PAPSS2: variants seen among roughly 807,000 people sequenced by gnomAD.
PAPSS2 encodes the protein bifunctional 3'-phosphoadenosine 5'-phosphosulfate synthase 2.
A neutral mutation model predicts 66.5 loss-of-function variants in PAPSS2; 61 were observed. That is an observed-to-expected ratio of 0.92 (90% CI 0.75 to 1.14). PAPSS2 has a LOEUF of 1.14. Among genes scored for constraint, PAPSS2 ranks in the 50% most tolerant of loss-of-function variants. The probability of loss-of-function intolerance (pLI) is 0.00; values close to 1 mark genes in which losing one functional copy is unlikely to be tolerated. For missense variants in PAPSS2, 708 were observed against 789.6 expected, an observed-to-expected ratio of 0.90 and a Z score of 1.24; for synonymous variants, 289 against 287.5, an observed-to-expected ratio of 1.01 and a Z score of -0.05.
intron 6 of PAPSS2, 110 bp from the exon 7 acceptor site, chr10:87,715,618 TAGAA>T (rs1853522812): frequency 1.4e-6 from 1 of 728,510 alleles, no homozygotes; most frequent in African/African-American, 1.7e-5. Context: ...ACTTAAAACA[TAGAA>T]GGTTCTGCCC....
intron 1 of PAPSS2, among the ~76,000 whole-genome samples, chr10:87,677,118 C>T (rs572181150): frequency 3.3e-5 from 5 of 152,020 alleles, no homozygotes; most frequent in Non-Finnish European, 4.4e-5. Flanking sequence ...TGCTTGAACC[C>T]GGGAGGCAGA....
intron 7 of PAPSS2, among the ~76,000 whole-genome samples, chr10:87,717,408 G>A (rs1410217064): frequency 6.6e-6 from 1 of 152,126 alleles, no homozygotes; most frequent in Non-Finnish European, 1.5e-5. Flanking sequence ...CAGTGTTAAT[G>A]GAAATCAGAG....
At chr10:87,716,058 A>T (rs1292244424) in intron 7 of PAPSS2, among the ~76,000 whole-genome samples, 2 of 152,172 alleles carry the variant, frequency 1.3e-5, no homozygotes, top group African/African-American at 4.8e-5. Flanking sequence ...AAAACTAAGG[A>T]ACTGAAAAAT....
At chr10:87,729,859 G>A (rs1853706963) in intron 9 of PAPSS2, among the ~76,000 whole-genome samples, 1 of 152,102 alleles carries the variant, frequency 6.6e-6, no homozygotes, top group Admixed American at 6.6e-5. Context: ...AGCCGGGCAT[G>A]GTGGTGCATG....
At chr10:87,673,380 G>A (rs1852903291) in intron 1 of PAPSS2, among the ~76,000 whole-genome samples, 1 of 151,944 alleles carries the variant, frequency 6.6e-6, no homozygotes, top group Non-Finnish European at 1.5e-5. Context: ...GGCTGGTCTT[G>A]TACTCCTGGC....
intron 7 of PAPSS2, 37 bp downstream of exon 7, chr10:87,715,880 A>G: frequency 4.6e-6 from 6 of 1,299,676 alleles, no homozygotes; most frequent in Non-Finnish European, 5.4e-6. Context: ...CTTTGTTGTT[A>G]AGGAAAAAAA....
chr10:87,711,146 C>T (rs1185894187), intron 2 of PAPSS2, among the ~76,000 whole-genome samples: 100 of 152,140 alleles, frequency 6.6e-4, no homozygotes, highest in Non-Finnish European at 8.8e-5. Context: ...AGATTTTAGC[C>T]CCAACTCCAC....
chr10:87,668,368 G>T (rs17116627), intron 1 of PAPSS2, among the ~76,000 whole-genome samples: 5 of 151,978 alleles, frequency 3.3e-5, no homozygotes, highest in African/African-American at 1.2e-4. Context: ...ACCAAACCAG[G>T]ATCTCTATTT....
intron 1 of PAPSS2, among the ~76,000 whole-genome samples, chr10:87,666,686 T>C (rs1036319649): frequency 6.6e-6 from 1 of 152,096 alleles, no homozygotes; most frequent in East Asian, 1.9e-4. Context: ...TCCTTACTTC[T>C]TTCATGCTCT....
intron 1 of PAPSS2, among the ~76,000 whole-genome samples, chr10:87,663,038 C>T (rs1481778025): frequency 6.7e-6 from 1 of 150,090 alleles, no homozygotes; most frequent in Non-Finnish European, 1.5e-5. Flanking sequence ...CCATCATGCC[C>T]TGCTAATTAC....
At chr10:87,668,765 T>G (rs17430359) in intron 1 of PAPSS2, among the ~76,000 whole-genome samples, 6,359 of 152,124 alleles carry the variant, frequency 0.042, 196 homozygotes, top group Middle Eastern at 0.068. Context: ...ATATGACAGT[T>G]GATATACAGC....
chr10:87,711,583 C>T (rs1853462923), intron 2 of PAPSS2, among the ~76,000 whole-genome samples: 1 of 152,132 alleles, frequency 6.6e-6, no homozygotes. Flanking sequence ...AAAGGAATAA[C>T]AGAATTACAG....
intron 1 of PAPSS2, among the ~76,000 whole-genome samples, chr10:87,705,315 G>T (rs1360071729): frequency 6.6e-6 from 1 of 152,130 alleles, no homozygotes; most frequent in Admixed American, 6.5e-5. Flanking sequence ...TCTACACTTT[G>T]AGTTGGGTTA....
intron 11 of PAPSS2, among the ~76,000 whole-genome samples, chr10:87,744,610 A>C (rs1853913492): frequency 6.6e-6 from 1 of 152,348 alleles, no homozygotes; most frequent in South Asian, 2.1e-4. Flanking sequence ...TTAGCTCATT[A>C]ATGGCAGTCA....
chr10:87,701,065 C>T (rs1343460764), intron 1 of PAPSS2, among the ~76,000 whole-genome samples: 3 of 151,556 alleles, frequency 2.0e-5, no homozygotes, highest in Non-Finnish European at 2.9e-5. Context: ...TCATAAAATA[C>T]TCTTTAATAT....
intron 1 of PAPSS2, among the ~76,000 whole-genome samples, chr10:87,673,092 A>G (rs913197335): frequency 2.0e-5 from 3 of 152,172 alleles, no homozygotes; most frequent in African/African-American, 7.2e-5. Flanking sequence ...GTTCAGTTGG[A>G]AGATGCTTAG....
intron 1 of PAPSS2, among the ~76,000 whole-genome samples, chr10:87,661,491 C>T (rs1375025914): frequency 2.6e-5 from 4 of 152,154 alleles, no homozygotes; most frequent in Non-Finnish European, 5.9e-5. Flanking sequence ...GCCGCTGTGC[C>T]AGTAGCTTTT....
intron 1 of PAPSS2, among the ~76,000 whole-genome samples, chr10:87,670,439 T>C (rs2131896107): frequency 1.3e-5 from 2 of 152,306 alleles, no homozygotes; most frequent in East Asian, 3.9e-4. Context: ...GAAGAAAAAT[T>C]AGGGAGCGTT....
chr10:87,729,236 C>T (rs12256533), intron 9 of PAPSS2, among the ~76,000 whole-genome samples: 5,166 of 47,822 alleles, frequency 0.11, 279 homozygotes, highest in African/African-American at 0.33. Context: ...CTTTTCTTTT[C>T]TTTTTTTTTT....
Sources: gnomAD v4.1 joint callset for allele counts (sites outside exome capture counted in the v4.1 genomes callset) on GRCh38, gnomAD v4.1.1 for gene constraint, MANE v1.5 for transcripts, NCBI Gene and HGNC (gene_info 2026-07-23, HGNC 2026-07-21) for gene names.